Variants in ADARB1 observed in about 807,000 individuals in gnomAD.
ADARB1 encodes double-stranded RNA-specific editase 1.
A neutral mutation model predicts 52.4 loss-of-function variants in ADARB1; 10 were observed. That is an observed-to-expected ratio of 0.19 (90% CI 0.12 to 0.32). The LOEUF (loss-of-function observed/expected upper bound fraction) is 0.32, where lower values mean the gene tolerates loss of function less well. Among genes scored for constraint, ADARB1 ranks in the 10% least tolerant of loss-of-function variants. The pLI is 1.00. For missense variants in ADARB1, 643 were observed against 922.3 expected (o/e 0.70, Z 3.92); for synonymous variants, 349 against 371.1 (o/e 0.94, Z 0.68).
Position 45,175,913 on chromosome 21 carries a change from G to A in ADARB1, c.212G>A (p.Arg71Lys). 2 of 1,609,938 alleles carry A rather than the reference G, an allele frequency of 1.2e-6. No individual in the cohort carries two copies. Among genetic ancestry groups the A allele is most frequent in the Non-Finnish European group, 1.7e-6 (2 of 1,178,100 alleles). The change falls in exon 4 of 11, where the codon AGG (arginine) becomes AAG (lysine). Residue 71 changes from arginine to lysine, a missense_variant. By Grantham distance (26) the Arg-to-Lys change is conservative. Coordinates refer to ENST00000348831, the MANE Select transcript of ADARB1 (RefSeq NM_001112.4). ...TCCAAGTACCGCCTGAAGAAAAGGA[G>A]GAAAACACCAGGGCCCGTCCTCCCC... ...GHSKYRLKKRRKTPGPVLPKN... is the reference protein window; with the variant it reads ...GHSKYRLKKRKKTPGPVLPKN...
At chr21:45,178,285 G>T (rs1352027989) in intron 4 of ADARB1, among the ~76,000 whole-genome samples, 1 of 152,256 alleles carries the variant, frequency 6.6e-6, no homozygotes, top group African/African-American at 2.4e-5. Flanking sequence ...GGCTTGGGAA[G>T]GCTGGAGGGA....
intron 4 of ADARB1, among the ~76,000 whole-genome samples, chr21:45,177,826 TA>T (rs1268955373): frequency 6.6e-6 from 1 of 152,194 alleles, no homozygotes; most frequent in African/African-American, 2.4e-5. Context: ...TTATTTTGCC[TA>T]AAGGAATCAA....
intron 2 of ADARB1, among the ~76,000 whole-genome samples, chr21:45,165,875 T>C (rs2091235765): frequency 6.6e-6 from 1 of 151,986 alleles, no homozygotes; most frequent in Non-Finnish European, 1.5e-5. Flanking sequence ...ATGGAACCCA[T>C]AGCAGTCATA....
intron 8 of ADARB1, among the ~76,000 whole-genome samples, chr21:45,185,617 T>G (rs539218772): frequency 9.9e-4 from 151 of 152,336 alleles, no homozygotes; most frequent in Non-Finnish European, 1.5e-3. Context: ...AGCACACTTC[T>G]GTAGTCAGCA....
Position 45,226,417 on chromosome 21 carries a change from CTG to C in ADARB1, c.*4222_*4223del, listed in dbSNP as rs2093059659. 1 of 152,644 alleles carries C rather than the reference CTG, an allele frequency of 6.6e-6. No homozygotes were observed. The highest frequency in any genetic ancestry group is 1.9e-4 in the East Asian group (1 of 5,198). The allele number at this position is 152,644 out of a possible 1,614,324, so 9.5% of individuals were successfully genotyped here. On this transcript the variant is annotated 3_prime_UTR_variant, in exon 11 of 11. Transcript: ENST00000348831. ...GCTGAGATGCAATCCTCAGTGTTCT[CTG>C]TATGTAAATCTGTGTATACACCACA... is the stretch of plus-strand genomic sequence containing the variant.
intron 8 of ADARB1, among the ~76,000 whole-genome samples, chr21:45,197,628 C>G (rs561183013): frequency 6.6e-6 from 1 of 152,150 alleles, no homozygotes; most frequent in Non-Finnish European, 1.5e-5. Flanking sequence ...GTAGGACTTT[C>G]TTTGTAATAG....
chr21:45,225,699 C>G lies in ADARB1; in HGVS notation c.*3502C>G. Reference sequence around the variant, plus strand: ...TTTTTCCTTCTCAAACACTTTACCCCAGAAGCAGGTGGTCTGCCCCAGGCA... The same window carrying G: ...TTTTTCCTTCTCAAACACTTTACCCGAGAAGCAGGTGGTCTGCCCCAGGCA... On this transcript the variant is annotated 3_prime_UTR_variant, in exon 11 of 11. Coordinates refer to ENST00000348831, the MANE Select transcript of ADARB1 (RefSeq NM_001112.4). 1 of 727,716 alleles carries G rather than the reference C, an allele frequency of 1.4e-6. No individual in the cohort carries two copies. Among genetic ancestry groups the G allele is most frequent in the East Asian group, 3.2e-5 (1 of 31,552 alleles). 45.1% of individuals were successfully genotyped at this position (727,716 alleles called of 1,614,324 possible).
chr21:45,197,810 A>G (rs1158064356), intron 8 of ADARB1, among the ~76,000 whole-genome samples: 1 of 152,242 alleles, frequency 6.6e-6, no homozygotes, highest in Non-Finnish European at 1.5e-5. Context: ...AAGAAGCCAG[A>G]TGAAAAAGAG....
At position 45,143,572 on chromosome 21, in the gene ADARB1, T is replaced by C. The variant is rs528960874; in HGVS notation, c.-48+14999T>C. Among the ~76,000 whole-genome samples the C allele has an allele frequency of 3.9e-5, 6 of 152,336 alleles. No homozygotes were observed. The South Asian group carries it at 1.0e-3, about 26-fold the overall frequency. On this transcript the variant is annotated intron_variant, in intron 2 of 10. Transcript: ENST00000348831. ...TGTCCAAGATGCTGCCACAGTCTCTTGCCACCATATGACTGCCATGTCCTC... is the reference window on the plus strand; with the variant it reads ...TGTCCAAGATGCTGCCACAGTCTCTCGCCACCATATGACTGCCATGTCCTC...
At chr21:45,124,228 C>T (rs1189529579) in intron 1 of ADARB1, among the ~76,000 whole-genome samples, 2 of 152,218 alleles carry the variant, frequency 1.3e-5, no homozygotes, top group Non-Finnish European at 2.9e-5. Flanking sequence ...GCTTCCTTTT[C>T]ATCTTCACAG....
intron 2 of ADARB1, among the ~76,000 whole-genome samples, chr21:45,147,349 T>G (rs139644658): frequency 6.6e-6 from 1 of 152,370 alleles, no homozygotes; most frequent in East Asian, 1.9e-4. Flanking sequence ...TTCCCTTTTG[T>G]GGTTTCTTGG....
intron 2 of ADARB1, among the ~76,000 whole-genome samples, chr21:45,156,610 C>G (rs1195652634): frequency 6.7e-6 from 1 of 148,482 alleles, no homozygotes; most frequent in Non-Finnish European, 1.5e-5. Context: ...CATCCATCCA[C>G]CCACCCACTC....
At position 45,225,109 on chromosome 21, in the gene ADARB1, G is replaced by A. The variant is rs2093041216; in HGVS notation, c.*2912G>A. The A allele has an allele frequency of 1.0e-6, 1 of 996,152 alleles. No homozygotes were observed. 61.7% of individuals were successfully genotyped at this position (996,152 alleles called of 1,614,324 possible). On this transcript the variant is annotated 3_prime_UTR_variant, in exon 11 of 11. Transcript: ENST00000348831. ...TTTTGTTTTGTTAACTAAACCTGAAGTATTAATTCCACAAAGACACTGTCC... is the reference window on the plus strand; with the variant it reads ...TTTTGTTTTGTTAACTAAACCTGAAATATTAATTCCACAAAGACACTGTCC...
In ADARB1 at chr21:45,225,694, T is replaced by C. The variant is rs1476525545; in HGVS notation, c.*3497T>C. 3 of 773,570 alleles carry C rather than the reference T, an allele frequency of 3.9e-6. No homozygotes were observed. Among genetic ancestry groups the C allele is most frequent in the Non-Finnish European group, 5.5e-6 (3 of 548,718 alleles). The allele number at this position is 773,570 out of a possible 1,614,324, so 47.9% of individuals were successfully genotyped here. ...GGCTCTTTTTCCTTCTCAAACACTT[T>C]ACCCCAGAAGCAGGTGGTCTGCCCC... On this transcript the variant is annotated 3_prime_UTR_variant, in exon 11 of 11. Transcript: ENST00000348831.
intron 1 of ADARB1, among the ~76,000 whole-genome samples, chr21:45,127,816 T>C (rs573793711): frequency 1.3e-5 from 2 of 152,296 alleles, no homozygotes; most frequent in East Asian, 3.9e-4. Flanking sequence ...GAAGAAAATT[T>C]TAATACTCCA....
At position 45,097,657 on chromosome 21, in the gene ADARB1, G is replaced by T. The variant is rs1420864662; in HGVS notation, c.-220+22864G>T. On this transcript the variant is annotated intron_variant, in intron 1 of 10. Coordinates refer to ENST00000348831, the MANE Select transcript of ADARB1 (RefSeq NM_001112.4). ...TGCTGGCCATGTGGCAAGGTGGAAG[G>T]CAGTGCCTATGACTGGACAGCTGGG... 2.0e-5 allele frequency among the ~76,000 whole-genome samples: 3 copies of T among 152,136 alleles called. No homozygotes were observed. The East Asian group carries it at 5.8e-4, about 29-fold the overall frequency.
chr21:45,223,344 C>T lies in ADARB1; in HGVS notation c.*1147C>T, dbSNP rs753263420. 209 of 985,518 alleles carry T rather than the reference C, an allele frequency of 2.1e-4. No individual in the cohort carries two copies. The highest frequency in any genetic ancestry group is 4.9e-4 in the Admixed American group (8 of 16,294). The allele number at this position is 985,518 out of a possible 1,614,324, so 61.0% of individuals were successfully genotyped here. A position where few individuals can be genotyped will look rare whatever the true frequency, so the allele number is the denominator to read the frequency against. ...GTAGGCCAGACATTGACAGTCCTGACGGGAGCTCAGGGCTGCCCAGCGCCC... is the reference window on the plus strand; with the variant it reads ...GTAGGCCAGACATTGACAGTCCTGATGGGAGCTCAGGGCTGCCCAGCGCCC... On this transcript the variant is annotated 3_prime_UTR_variant, in exon 11 of 11. Transcript: ENST00000348831.
chr21:45,180,638 C>T (rs1284264054), intron 5 of ADARB1, among the ~76,000 whole-genome samples, 194 bp downstream of exon 5: 2 of 152,146 alleles, frequency 1.3e-5, no homozygotes, highest in East Asian at 1.9e-4. Flanking sequence ...ATCTTTTTAA[C>T]CTAAGTTTGT....
chr21:45,134,489 G>T (rs891764505), intron 2 of ADARB1, among the ~76,000 whole-genome samples: 1 of 152,050 alleles, frequency 6.6e-6, no homozygotes, highest in Non-Finnish European at 1.5e-5. Flanking sequence ...GCAGGGGTAC[G>T]TACACTCGGG....
Sources: allele counts gnomAD v4.1 joint callset (sites outside exome capture counted in the v4.1 genomes callset), GRCh38; gene constraint gnomAD v4.1.1; transcripts MANE v1.5; gene names NCBI Gene and HGNC (gene_info 2026-07-23, HGNC 2026-07-21).